The following RUNDC3B variants were observed in gnomAD, a reference collection of about 807,000 sequenced individuals.
RUNDC3B encodes RUN domain containing 3B.
A neutral mutation model predicts 58.4 loss-of-function variants in RUNDC3B; 33 were observed. That is an observed-to-expected ratio of 0.56 (90% CI 0.43 to 0.75). The LOEUF is 0.75. Among genes scored for constraint, RUNDC3B ranks in the 30% least tolerant of loss-of-function variants. The probability of loss-of-function intolerance (pLI) is 0.00; values close to 1 mark genes in which losing one functional copy is unlikely to be tolerated. For synonymous variants in RUNDC3B, 193 were observed against 195.2 expected, an observed-to-expected ratio of 0.99 and a Z score of 0.10; for missense variants, 501 against 535.7, an observed-to-expected ratio of 0.94 and a Z score of 0.64.
intron 9 of RUNDC3B, among the ~76,000 whole-genome samples, chr7:87,815,913 C>T (rs958902652): frequency 7.2e-5 from 11 of 151,766 alleles, no homozygotes; most frequent in Admixed American, 5.9e-4. Flanking sequence ...GTCTGACAAA[C>T]TCTTTTTTTT....
At chr7:87,769,918 T>A (rs1326396605) in intron 6 of RUNDC3B, among the ~76,000 whole-genome samples, 1 of 152,178 alleles carries the variant, frequency 6.6e-6, no homozygotes, top group Non-Finnish European at 1.5e-5. Context: ...TTTATCTCTA[T>A]TGAGTTTCTC....
At chr7:87,721,658 G>A (rs1467784215) in intron 4 of RUNDC3B, among the ~76,000 whole-genome samples, 1 of 152,012 alleles carries the variant, frequency 6.6e-6, no homozygotes, top group African/African-American at 2.4e-5. Flanking sequence ...GCAGAATTTA[G>A]GTTAGCATTT....
intron 1 of RUNDC3B, among the ~76,000 whole-genome samples, chr7:87,640,395 G>T (rs1584973198): frequency 6.6e-6 from 1 of 151,984 alleles, no homozygotes; most frequent in African/African-American, 2.4e-5. Context: ...GTGTTGCCCA[G>T]GCTGGAGTGC....
In RUNDC3B at chr7:87,739,827, A is replaced by G; in HGVS notation, c.495A>G (p.Glu165=). The G allele has an allele frequency of 1.3e-6, 2 of 1,598,236 alleles. No individual in the cohort carries two copies. The highest frequency in any genetic ancestry group is 1.1e-5 in the South Asian group (1 of 89,094). ...FYEDGAIVLG[E]EANMLAGMLL... is the part of the protein sequence containing the mutation. Reference sequence around the variant, plus strand: ...AAGATGGAGCAATTGTCTTGGGTGAAGAAGCAAATATGCTTGCTGGCATGC... The same window carrying G: ...AAGATGGAGCAATTGTCTTGGGTGAGGAAGCAAATATGCTTGCTGGCATGC... Residue 165 remains glutamate, a synonymous_variant, in exon 5 of 11, where the codon GAA becomes GAG. Coordinates refer to ENST00000394654, the MANE Select transcript of RUNDC3B (RefSeq NM_001134405.2).
At chr7:87,703,891 T>C (rs1829331846) in intron 3 of RUNDC3B, among the ~76,000 whole-genome samples, 1 of 111,322 alleles carries the variant, frequency 9.0e-6, no homozygotes, top group Non-Finnish European at 1.9e-5. Flanking sequence ...TTTTCTTTTT[T>C]TTTTTTTTTT....
chr7:87,752,735 T>A (rs1833093423), intron 6 of RUNDC3B, among the ~76,000 whole-genome samples: 3 of 152,210 alleles, frequency 2.0e-5, no homozygotes, highest in Admixed American at 2.0e-4. Flanking sequence ...CCTTTATCAT[T>A]TTTTATTGCG....
chr7:87,779,924 G>A (rs1185069163), intron 8 of RUNDC3B, among the ~76,000 whole-genome samples: 2 of 152,028 alleles, frequency 1.3e-5, no homozygotes, highest in Non-Finnish European at 2.9e-5. Flanking sequence ...TAGGATAATG[G>A]CCTCTAGCTG....
At chr7:87,671,141 G>A (rs1825785560) in intron 2 of RUNDC3B, among the ~76,000 whole-genome samples, 1 of 152,220 alleles carries the variant, frequency 6.6e-6, no homozygotes. Flanking sequence ...TGTGGCCCCA[G>A]GCCAAGGGTT....
chr7:87,816,542 A>G (rs1268888239), intron 10 of RUNDC3B, among the ~76,000 whole-genome samples: 2 of 152,040 alleles, frequency 1.3e-5, no homozygotes, highest in East Asian at 3.9e-4. Flanking sequence ...CAATAAAAGG[A>G]CTCATCAAGG....
chr7:87,679,085 A>G (rs903759402), intron 2 of RUNDC3B, among the ~76,000 whole-genome samples: 7 of 109,056 alleles, frequency 6.4e-5, no homozygotes, highest in African/African-American at 2.2e-4. Context: ...AAAACACCCC[A>G]ACTTTTTTTT....
chr7:87,630,422 T>A (rs1377294470), intron 1 of RUNDC3B, among the ~76,000 whole-genome samples: 1 of 152,204 alleles, frequency 6.6e-6, no homozygotes, highest in Non-Finnish European at 1.5e-5. Flanking sequence ...TAATTTGCCG[T>A]TTGTGCTGTC....
chr7:87,757,947 T>C (rs1370803583), intron 6 of RUNDC3B, among the ~76,000 whole-genome samples: 1 of 152,072 alleles, frequency 6.6e-6, no homozygotes, highest in East Asian at 1.9e-4. Flanking sequence ...AACTGGATAT[T>C]CGTATGCAAA....
At chr7:87,738,204 G>C (rs1832102010) in intron 4 of RUNDC3B, among the ~76,000 whole-genome samples, 1 of 151,386 alleles carries the variant, frequency 6.6e-6, no homozygotes, top group Non-Finnish European at 1.5e-5. Context: ...ACCATTAGAA[G>C]CATAGTTCTT....
chr7:87,765,490 A>G (rs1478543046), intron 6 of RUNDC3B, among the ~76,000 whole-genome samples: 1 of 151,908 alleles, frequency 6.6e-6, no homozygotes, highest in African/African-American at 2.4e-5. Flanking sequence ...GTTTTGGTAT[A>G]TTATGTCTCT....
chr7:87,711,550 T>C (rs79554290), intron 4 of RUNDC3B, among the ~76,000 whole-genome samples: 1,741 of 152,240 alleles, frequency 0.011, 40 homozygotes, highest in African/African-American at 0.04. Flanking sequence ...CATCTGCTGA[T>C]CTTTATTTGT....
intron 2 of RUNDC3B, among the ~76,000 whole-genome samples, chr7:87,669,226 A>G (rs541289467): frequency 2.0e-5 from 3 of 152,104 alleles, no homozygotes; most frequent in South Asian, 4.2e-4. Flanking sequence ...TTTACCATTA[A>G]GTAATGCCCT....
chr7:87,743,489 A>AT (rs1478137947), intron 6 of RUNDC3B, among the ~76,000 whole-genome samples: 2 of 151,632 alleles, frequency 1.3e-5, no homozygotes, highest in African/African-American at 2.4e-5. Flanking sequence ...CTGTTTTTTG[A>AT]TTTTTTTTAT....
At chr7:87,634,613 T>C (rs1384589473) in intron 1 of RUNDC3B, among the ~76,000 whole-genome samples, 1 of 148,418 alleles carries the variant, frequency 6.7e-6, no homozygotes, top group Admixed American at 6.8e-5. Flanking sequence ...GGAGAAAGAG[T>C]GAGACTCTTG....
intron 8 of RUNDC3B, among the ~76,000 whole-genome samples, chr7:87,791,997 CAG>C (rs1262907401): frequency 2.0e-5 from 3 of 151,902 alleles, no homozygotes; most frequent in Non-Finnish European, 4.4e-5. Context: ...AAGATACACA[CAG>C]AATGAAAATT....
Sources: allele counts gnomAD v4.1 joint callset (sites outside exome capture counted in the v4.1 genomes callset), GRCh38; gene constraint gnomAD v4.1.1; transcripts MANE v1.5; gene names NCBI Gene and HGNC (gene_info 2026-07-23, HGNC 2026-07-21).